ZNF536: variants seen among roughly 807,000 people sequenced by gnomAD.
ZNF536 encodes zinc finger protein 536.
ZNF536 carries 13 observed loss-of-function variants against 84.5 expected under a neutral mutation model. The ratio of observed to expected loss-of-function variants is 0.15; its 90% CI spans 0.10 to 0.24. The LOEUF (loss-of-function observed/expected upper bound fraction) is 0.24. Among genes scored for constraint, ZNF536 ranks in the 10% least tolerant of loss-of-function variants. ZNF536 has a pLI of 1.00. For missense variants in ZNF536, 1,536 were observed against 1,747.5 expected, an observed-to-expected ratio of 0.88 and a Z score of 2.16; for synonymous variants, 811 against 742.5, an observed-to-expected ratio of 1.09 and a Z score of -1.50.
intron 3 of ZNF536, among the ~76,000 whole-genome samples, chr19:30,364,257 G>A (rs1056193006): frequency 1.3e-5 from 2 of 152,204 alleles, no homozygotes; most frequent in African/African-American, 4.8e-5. Flanking sequence ...CAGGCACAGA[G>A]GCTCATGTCT....
chr19:30,605,546 C>T (rs71350820), intron 1 of ZNF536, among the ~76,000 whole-genome samples: 31,058 of 152,122 alleles, frequency 0.2, 4,022 homozygotes, highest in Non-Finnish European at 0.27. Flanking sequence ...AGTAGTATTC[C>T]ATGGCACATA....
At chr19:30,699,713 C>A (rs1365977722) in intron 1 of ZNF536, among the ~76,000 whole-genome samples, 1 of 152,164 alleles carries the variant, frequency 6.6e-6, no homozygotes, top group Admixed American at 6.5e-5. Context: ...AGCCACTGAG[C>A]CTCTTGAAGC....
intron 1 of ZNF536, among the ~76,000 whole-genome samples, chr19:30,616,216 TGCGCA>T (rs1357643879): frequency 6.6e-6 from 1 of 152,174 alleles, no homozygotes; most frequent in Non-Finnish European, 1.5e-5. Context: ...TTGAGAGAAA[TGCGCA>T]GTAAGAGTGG....
chr19:30,561,777 C>T (rs950903733), downstream of ZNF536, among the ~76,000 whole-genome samples: 1 of 149,406 alleles, frequency 6.7e-6, no homozygotes, highest in South Asian at 2.1e-4. Context: ...CACCTGATGG[C>T]CAACCATTCT....
intron 2 of ZNF536, among the ~76,000 whole-genome samples, chr19:30,524,644 T>C (rs2044501179): frequency 6.6e-6 from 1 of 152,210 alleles, no homozygotes; most frequent in Non-Finnish European, 1.5e-5. Context: ...TGGTCCAGTT[T>C]GTTCCTGGTG....
At chr19:30,372,640 C>T (rs1365992872) in intron 1 of ZNF536, 84 bp downstream of exon 1, 2 of 152,186 alleles carry the variant, frequency 1.3e-5, no homozygotes, top group African/African-American at 2.4e-5. Context: ...AACACCCACA[C>T]ATGCACCCAC....
At chr19:30,394,405 A>G (rs1363046535) in intron 1 of ZNF536, among the ~76,000 whole-genome samples, 1 of 152,050 alleles carries the variant, frequency 6.6e-6, no homozygotes, top group Non-Finnish European at 1.5e-5. Context: ...TGCATTTGCA[A>G]ATGCTCATTT....
chr19:30,269,263 G>A (rs1035031383), intron 1 of ZNF536, among the ~76,000 whole-genome samples: 3 of 152,184 alleles, frequency 2.0e-5, no homozygotes, highest in Admixed American at 1.3e-4. Flanking sequence ...GTGGGTGTCC[G>A]GAGAGGAGCA....
intron 1 of ZNF536, among the ~76,000 whole-genome samples, chr19:30,431,598 G>A (rs775318305): frequency 3.9e-5 from 6 of 152,146 alleles, no homozygotes; most frequent in East Asian, 3.9e-4. Context: ...GTTTTGCACC[G>A]AATCAAATCT....
At chr19:30,287,520 AGATGGGTGGTTG>A (rs1361853407) in intron 2 of ZNF536, among the ~76,000 whole-genome samples, 1 of 132,386 alleles carries the variant, frequency 7.6e-6, no homozygotes, top group African/African-American at 2.8e-5. Flanking sequence ...GTGGATGGAT[AGATGGGTGGTTG>A]GATGGGTGGG....
chr19:30,288,732 C>A (rs2045733327), intron 2 of ZNF536, among the ~76,000 whole-genome samples: 1 of 152,192 alleles, frequency 6.6e-6, no homozygotes, highest in South Asian at 2.1e-4. Context: ...AACAACATGA[C>A]AGTCTGGTAG....
intron 1 of ZNF536, among the ~76,000 whole-genome samples, chr19:30,575,780 G>T (rs1408593751): frequency 1.3e-5 from 2 of 152,224 alleles, no homozygotes; most frequent in African/African-American, 2.4e-5. Flanking sequence ...GACACCCAGG[G>T]ATTTGAAGGA....
intron 2 of ZNF536, among the ~76,000 whole-genome samples, chr19:30,515,014 G>A (rs1394626648): frequency 4.6e-5 from 7 of 152,122 alleles, no homozygotes; most frequent in Admixed American, 6.5e-5. Flanking sequence ...TTGGGAGGCC[G>A]AGATGGGAGG....
At chr19:30,332,192 G>A (rs901936240) in intron 2 of ZNF536, among the ~76,000 whole-genome samples, 1 of 152,026 alleles carries the variant, frequency 6.6e-6, no homozygotes, top group Non-Finnish European at 1.5e-5. Context: ...TTTGCCCCCC[G>A]GCCTCAGCTA....
intron 1 of ZNF536, among the ~76,000 whole-genome samples, chr19:30,678,700 A>G (rs544425930): frequency 7.2e-5 from 11 of 151,994 alleles, no homozygotes; most frequent in African/African-American, 2.4e-4. Context: ...CTTCCTTTAG[A>G]ATTCCTCGGA....
At chr19:30,545,753 C>T (rs187696154) in intron 3 of ZNF536, among the ~76,000 whole-genome samples, 1 of 152,304 alleles carries the variant, frequency 6.6e-6, no homozygotes, top group Non-Finnish European at 1.5e-5. Flanking sequence ...ATCCTCTGTG[C>T]ATCCCCACAG....
chr19:30,682,704 G>C (rs748634921), intron 1 of ZNF536, among the ~76,000 whole-genome samples: 3 of 152,132 alleles, frequency 2.0e-5, no homozygotes, highest in Non-Finnish European at 4.4e-5. Flanking sequence ...CCCTCAGCCC[G>C]GAGGGGAAAT....
chr19:30,489,416 C>A (rs981671752), intron 2 of ZNF536, among the ~76,000 whole-genome samples: 3 of 151,852 alleles, frequency 2.0e-5, no homozygotes, highest in Non-Finnish European at 2.9e-5. Flanking sequence ...CCCATCTCTA[C>A]AAAAAATTTT....
intron 1 of ZNF536, among the ~76,000 whole-genome samples, chr19:30,410,409 A>G (rs1177363053): frequency 3.9e-5 from 6 of 151,946 alleles, no homozygotes; most frequent in Non-Finnish European, 7.4e-5. Flanking sequence ...TGAAATTTAT[A>G]AATAAAATAA....
Sources: allele counts gnomAD v4.1 joint callset (sites outside exome capture counted in the v4.1 genomes callset), GRCh38; gene constraint gnomAD v4.1.1; transcripts MANE v1.5; gene names NCBI Gene and HGNC (gene_info 2026-07-23, HGNC 2026-07-21).